ACACB: variants seen among roughly 807,000 people sequenced by gnomAD.
ACACB encodes acetyl-CoA carboxylase beta, also known as acetyl-CoA carboxylase 2.
Under a neutral mutation model 278.8 loss-of-function variants are expected in ACACB, and 209 were observed. That is an observed-to-expected ratio of 0.75 (90% CI 0.67 to 0.84). ACACB has a LOEUF of 0.84. Among genes scored for constraint, ACACB ranks in the 40% least tolerant of loss-of-function variants. The pLI is 0.00. For missense variants in ACACB, 2,850 were observed against 3,269.0 expected, an observed-to-expected ratio of 0.87 and a Z score of 3.13; for synonymous variants, 1,174 against 1,285.6, an observed-to-expected ratio of 0.91 and a Z score of 1.86.
chr12:109,114,560 T>C (rs1248249074), upstream of ACACB, among the ~76,000 whole-genome samples: 1 of 152,100 alleles, frequency 6.6e-6, no homozygotes, highest in African/African-American at 2.4e-5. Context: ...ATAATTTTTT[T>C]TGGGCCAGGT....
rs1407246655 is a variant in ACACB, at chr12:109,179,196, CTGTT to C, written c.1549_1552del (p.Phe517ValfsTer44). The C allele has an allele frequency of 3.1e-6, 5 of 1,614,048 alleles. No homozygotes were observed. The Admixed American group carries it at 5.0e-5, about 16-fold the overall frequency. Reference sequence around the variant, plus strand: ...TGACCAGTATGGGAATGCTGTGTCTCTGTTTGGTCGCGACTGCTCCATCCAGCGG... The same window carrying C: ...TGACCAGTATGGGAATGCTGTGTCTCTGGTCGCGACTGCTCCATCCAGCGG... On this transcript the variant is annotated frameshift_variant, in exon 10 of 53. Transcript: ENST00000338432. LOFTEE classifies it high-confidence loss of function.
chr12:109,201,698 C>T lies in ACACB; in HGVS notation c.2910C>T (p.His970=), dbSNP rs201086081. 1 of 1,613,806 alleles carries T rather than the reference C, an allele frequency of 6.2e-7. No individual in the cohort carries two copies. Residue 970 remains histidine (H), a synonymous_variant, in exon 19 of 53, where the codon CAC becomes CAT. Transcript: ENST00000338432. The part of the protein sequence containing the change: ...RLELDDPSKV[H]PAEPFTGELP... ...AGCTCGATGACCCTTCTAAAGTCCA[C>T]CCGGTATGTGGCTCCACGGCCCAAG...
chr12:109,133,506 C>T (rs1033973088), intron 1 of ACACB, among the ~76,000 whole-genome samples: 5 of 152,110 alleles, frequency 3.3e-5, no homozygotes, highest in Non-Finnish European at 5.9e-5. Flanking sequence ...GCTGGGGTTA[C>T]AGGCATGAGC....
chr12:109,259,720 G>T (rs2047329753), intron 47 of ACACB, among the ~76,000 whole-genome samples: 1 of 152,226 alleles, frequency 6.6e-6, no homozygotes, highest in Admixed American at 6.5e-5. Flanking sequence ...CATTTGGCAA[G>T]GTGAGGAGGA....
chr12:109,221,534 A>G (rs1356895459), intron 24 of ACACB, among the ~76,000 whole-genome samples: 2 of 152,136 alleles, frequency 1.3e-5, no homozygotes, highest in Admixed American at 6.6e-5. Context: ...GAGAGGAGGG[A>G]TGCAACACAG....
At chr12:109,252,386 A>C in intron 42 of ACACB, 1 of 373,380 alleles carries the variant, frequency 2.7e-6, no homozygotes. Context: ...GACATTTTAA[A>C]ACAAATTATT....
chr12:109,129,211 T>A (rs1234009290), intron 1 of ACACB, among the ~76,000 whole-genome samples: 1 of 151,790 alleles, frequency 6.6e-6, no homozygotes, highest in African/African-American at 2.4e-5. Flanking sequence ...TTTTCTAGAG[T>A]TTGTGGACAG....
intron 2 of ACACB, among the ~76,000 whole-genome samples, chr12:109,161,508 T>C (rs1028482097): frequency 3.3e-5 from 5 of 151,666 alleles, no homozygotes; most frequent in African/African-American, 1.2e-4. Flanking sequence ...ATGCCACTGC[T>C]CTCCAGCCTG....
At position 109,256,177 on chromosome 12, in the gene ACACB, C is replaced by T. The variant is rs3742023; in HGVS notation, c.6204C>T (p.His2068=). 559,685 of 1,612,772 alleles carry T rather than the reference C, an allele frequency of 0.35. 100,135 individuals are homozygous for T. The highest frequency in any genetic ancestry group is 0.36 in the Non-Finnish European group (426,230 of 1,179,104). The change falls in exon 45 of 53, where the codon CAC becomes CAT. Residue 2068 remains histidine, a synonymous_variant. Transcript: ENST00000338432. ...CGTGGCAGAGCGGATTCTTTGACCACGGCAGTTTCAAGGAAATCATGGCAC... is the reference window on the plus strand; with the variant it reads ...CGTGGCAGAGCGGATTCTTTGACCATGGCAGTTTCAAGGAAATCATGGCAC... ...KGTWQSGFFD[H]GSFKEIMAPW... is the part of the protein sequence containing the mutation.
intron 1 of ACACB, among the ~76,000 whole-genome samples, chr12:109,128,400 C>T (rs900686770): frequency 1.1e-4 from 17 of 151,734 alleles, no homozygotes; most frequent in Non-Finnish European, 2.1e-4. Flanking sequence ...TGCAATGGCA[C>T]GATCTTGGCT....
chr12:109,190,724 C>T (rs1395511312), intron 13 of ACACB, among the ~76,000 whole-genome samples: 1 of 151,796 alleles, frequency 6.6e-6, no homozygotes, highest in Non-Finnish European at 1.5e-5. Flanking sequence ...AACTCCTGGG[C>T]TCAAGCGATC....
At chr12:109,209,385 C>A (rs373542502) in intron 21 of ACACB, 32 bp downstream of exon 21, 3 of 1,585,412 alleles carry the variant, frequency 1.9e-6, no homozygotes, top group Non-Finnish European at 2.6e-6. Context: ...CCCACCCCAC[C>A]AGGATGGTCA....
rs1230613198 is a variant in ACACB, at chr12:109,185,514, C to A, written c.1819-65C>A. 6 of 1,569,364 alleles carry A rather than the reference C, an allele frequency of 3.8e-6. No individual in the cohort carries two copies. In the African/African-American group the frequency reaches 8.1e-5, roughly 21 times the overall value. On this transcript the variant is annotated intron_variant, in intron 11 of 52. Transcript: ENST00000338432. ...AACCTCCGTTGCATCTACCACTGTGCCTGGTGTTTTGGGGCCGTGTTCTGG... is the reference window on the plus strand; with the variant it reads ...AACCTCCGTTGCATCTACCACTGTGACTGGTGTTTTGGGGCCGTGTTCTGG...
chr12:109,210,254 C>CACAT (rs1565927493), intron 21 of ACACB, among the ~76,000 whole-genome samples: 1 of 24,594 alleles, frequency 4.1e-5, no homozygotes, highest in African/African-American at 1.8e-4. Context: ...TATATACACA[C>CACAT]ATGTGTGTAT....
chr12:109,134,916 G>GT, intron 1 of ACACB, among the ~76,000 whole-genome samples: 1 of 152,194 alleles, frequency 6.6e-6, no homozygotes, highest in Non-Finnish European at 1.5e-5. Flanking sequence ...AATATCAGTA[G>GT]TGCCATGGTT....
chr12:109,251,312 C>T (rs1258013915), intron 41 of ACACB, among the ~76,000 whole-genome samples: 1 of 152,178 alleles, frequency 6.6e-6, no homozygotes, highest in Non-Finnish European at 1.5e-5. Context: ...TGGTTGCCTT[C>T]CTCTCCTGCC....
chr12:109,264,498 A>T, intron 50 of ACACB, 112 bp downstream of exon 50: 1 of 1,370,732 alleles, frequency 7.3e-7, no homozygotes, highest in Middle Eastern at 2.5e-4. Flanking sequence ...GATGGGTCAA[A>T]TGCTGCAGGA....
At chr12:109,135,366 G>T (rs568709046) in intron 1 of ACACB, among the ~76,000 whole-genome samples, 3 of 151,918 alleles carry the variant, frequency 2.0e-5, no homozygotes, top group Non-Finnish European at 2.9e-5. Context: ...CTTAAAAATT[G>T]GGTTGTCTTT....
chr12:109,230,088 A>G (rs1036750383), intron 28 of ACACB, among the ~76,000 whole-genome samples: 1 of 152,192 alleles, frequency 6.6e-6, no homozygotes, highest in African/African-American at 2.4e-5. Flanking sequence ...TCGGTTGATC[A>G]GATCTGTACA....
Sources: allele counts gnomAD v4.1 joint callset (sites outside exome capture counted in the v4.1 genomes callset), GRCh38; gene constraint gnomAD v4.1.1; transcripts MANE v1.5; gene names NCBI Gene and HGNC (gene_info 2026-07-23, HGNC 2026-07-21).